Variants in DIAPH3 observed in about 807,000 individuals in gnomAD.
DIAPH3 encodes the protein diaphanous related formin 3.
A neutral mutation model predicts 144.3 loss-of-function variants in DIAPH3; 117 were observed. That is an observed-to-expected ratio of 0.81 (90% CI 0.70 to 0.95). The LOEUF (loss-of-function observed/expected upper bound fraction) is 0.95, where lower values mean the gene tolerates loss of function less well. DIAPH3 is among the 40% of genes least tolerant of loss of function. The pLI is 0.00. For synonymous variants in DIAPH3, 519 were observed against 488.9 expected, an observed-to-expected ratio of 1.06 and a Z score of -0.81; for missense variants, 1,421 against 1,412.7, an observed-to-expected ratio of 1.01 and a Z score of -0.09.
intron 17 of DIAPH3, among the ~76,000 whole-genome samples, chr13:59,925,598 C>G (rs886668866): frequency 2.0e-5 from 3 of 152,070 alleles, no homozygotes; most frequent in African/African-American, 7.2e-5. Context: ...CTCTCCTCTT[C>G]ATATTTTTGG....
chr13:59,920,880 CA>C (rs2047474916), intron 18 of DIAPH3, among the ~76,000 whole-genome samples: 2 of 151,740 alleles, frequency 1.3e-5, no homozygotes, highest in Non-Finnish European at 3.0e-5. Flanking sequence ...AGACTAGAAT[CA>C]TATCAAGTAT....
intron 3 of DIAPH3, among the ~76,000 whole-genome samples, chr13:60,108,516 G>T (rs2058481653): frequency 6.6e-6 from 1 of 151,972 alleles, no homozygotes; most frequent in Admixed American, 6.6e-5. Flanking sequence ...GCTGAAGCAG[G>T]GATTGCTTGA....
At chr13:59,723,176 C>T (rs1566223492) in intron 27 of DIAPH3, among the ~76,000 whole-genome samples, 1 of 152,124 alleles carries the variant, frequency 6.6e-6, no homozygotes, top group Non-Finnish European at 1.5e-5. Flanking sequence ...ACCAGGAGAG[C>T]TCAATGTTTA....
chr13:59,858,789 A>C (rs1349462543), intron 22 of DIAPH3, among the ~76,000 whole-genome samples: 1 of 152,210 alleles, frequency 6.6e-6, no homozygotes, highest in Non-Finnish European at 1.5e-5. Flanking sequence ...ATAATGACTA[A>C]AAATATTTCC....
intron 2 of DIAPH3, among the ~76,000 whole-genome samples, chr13:60,112,423 T>C (rs1002720464): frequency 6.6e-6 from 1 of 152,208 alleles, no homozygotes; most frequent in African/African-American, 2.4e-5. Flanking sequence ...TTCCTTCTAA[T>C]CTTAAAACCA....
intron 27 of DIAPH3, among the ~76,000 whole-genome samples, chr13:59,718,926 C>T (rs972635310): frequency 1.3e-5 from 2 of 151,944 alleles, no homozygotes; most frequent in Non-Finnish European, 1.5e-5. Flanking sequence ...ATGTAGCCCC[C>T]CCCACCTAAC....
intron 17 of DIAPH3, among the ~76,000 whole-genome samples, chr13:59,956,519 T>A (rs565828726): frequency 6.6e-6 from 1 of 152,178 alleles, no homozygotes; most frequent in Non-Finnish European, 1.5e-5. Flanking sequence ...TTTCAGAGGA[T>A]GTATGGAAAT....
rs576592092 is a variant in DIAPH3, at chr13:59,862,734, G to GC, written c.2608-1199dup. The stretch of plus-strand genomic sequence containing the variant: ...GCTTTCATTATTTTTTTTCATGATT[G>GC]CCCCCTAAGAAGTTTTTAGGCATTT... On this transcript the variant is annotated intron_variant, in intron 21 of 27. Transcript: ENST00000400324. Among the ~76,000 whole-genome samples the GC allele has an allele frequency of 2.3e-3, 343 of 151,734 alleles. 2 individuals are homozygous for GC. Among genetic ancestry groups the GC allele is most frequent in the African/African-American group, 7.8e-3 (324 of 41,386 alleles).
intron 25 of DIAPH3, among the ~76,000 whole-genome samples, chr13:59,793,704 C>T (rs893308534): frequency 6.6e-6 from 1 of 152,106 alleles, no homozygotes; most frequent in African/African-American, 2.4e-5. Flanking sequence ...CATTCCATGG[C>T]TTCATTTACT....
At chr13:60,093,584 A>T in intron 4 of DIAPH3, 44 bp downstream of exon 4, 1 of 1,336,180 alleles carries the variant, frequency 7.5e-7, no homozygotes, top group Non-Finnish European at 1.1e-6. Context: ...TTTCCATGTT[A>T]AAACATGTTC....
chr13:60,163,928 T>A lies in DIAPH3; in HGVS notation c.-162A>T. ...AAGTCGGGGCCGCAGCCAACACATC[T>A]GAAAACTCCCGCCACCCGTGTTGGC... On this transcript the variant is annotated 5_prime_UTR_variant, in exon 1 of 28. Transcript: ENST00000400324. The A allele has an allele frequency of 3.3e-6, 3 of 905,562 alleles. No homozygotes were observed. The highest frequency in any genetic ancestry group is 4.8e-6 in the Non-Finnish European group (3 of 620,486). 56.1% of individuals were successfully genotyped at this position (905,562 alleles called of 1,614,324 possible).
chr13:59,837,670 CAT>C (rs2042108752), intron 23 of DIAPH3: 2 of 150,230 alleles, frequency 1.3e-5, no homozygotes, highest in Admixed American at 6.7e-5. Context: ...AATGATGAAA[CAT>C]ATAACTGCAA....
At chr13:60,119,050 T>C (rs1277301159) in intron 2 of DIAPH3, among the ~76,000 whole-genome samples, 1 of 152,232 alleles carries the variant, frequency 6.6e-6, no homozygotes, top group Non-Finnish European at 1.5e-5. Context: ...ACTGTTTTAA[T>C]CACTGTGGCA....
intron 1 of DIAPH3, among the ~76,000 whole-genome samples, chr13:60,160,995 T>A (rs1462807146): frequency 6.6e-6 from 1 of 152,182 alleles, no homozygotes; most frequent in Admixed American, 6.5e-5. Flanking sequence ...GGACTCAAAG[T>A]AAAACAAGAT....
At position 60,052,959 on chromosome 13, in the gene DIAPH3, TAA is replaced by T. The variant is rs559991017; in HGVS notation, c.496-10141_496-10140del. On this transcript the variant is annotated intron_variant, in intron 4 of 27. Transcript: ENST00000400324. The stretch of plus-strand genomic sequence containing the variant: ...CTGGTGACAGAGCCAGACTCCCTCT[TAA>T]AAAAAAAAAAAAAAAAAAAGAAATA... Among the ~76,000 whole-genome samples the T allele has an allele frequency of 1.2e-3, 50 of 40,634 alleles. 1 individual carries two copies. The highest frequency in any genetic ancestry group is 2.6e-3 in the Admixed American group (6 of 2,340). The allele number at this position is 40,634 out of a possible 152,430, so 26.7% of individuals were successfully genotyped here.
intron 5 of DIAPH3, chr13:60,021,001 C>T (rs532966493): frequency 1.3e-5 from 2 of 152,260 alleles, no homozygotes; most frequent in Admixed American, 6.5e-5. Flanking sequence ...AGAGATAAAA[C>T]CAAACAGGTA....
intron 9 of DIAPH3, among the ~76,000 whole-genome samples, chr13:59,996,602 C>T (rs1014179287): frequency 4.0e-5 from 6 of 151,838 alleles, no homozygotes; most frequent in Admixed American, 6.6e-5. Flanking sequence ...GACTGGAAAG[C>T]GAGCGGCCAA....
chr13:60,138,773 GAAGGA>G (rs1243800257), intron 1 of DIAPH3, among the ~76,000 whole-genome samples: 5 of 143,140 alleles, frequency 3.5e-5, no homozygotes, highest in Middle Eastern at 3.5e-3. Flanking sequence ...AGGAGAAGGA[GAAGGA>G]GAAGAAGGGG....
At chr13:59,757,416 T>TG (rs2037338536) in intron 27 of DIAPH3, among the ~76,000 whole-genome samples, 1 of 127,556 alleles carries the variant, frequency 7.8e-6, no homozygotes, top group Non-Finnish European at 1.7e-5. Context: ...TTTTTTTTTT[T>TG]TTGAGATGGA....
Sources: allele counts gnomAD v4.1 joint callset (sites outside exome capture counted in the v4.1 genomes callset), GRCh38; gene constraint gnomAD v4.1.1; transcripts MANE v1.5; gene names NCBI Gene and HGNC (gene_info 2026-07-23, HGNC 2026-07-21).